The following GPC5 variants were observed in gnomAD, a reference collection of about 807,000 sequenced individuals.
GPC5 encodes the protein glypican-5.
Under a neutral mutation model 53.9 loss-of-function variants are expected in GPC5, and 47 were observed. That is an observed-to-expected ratio of 0.87 (90% CI 0.69 to 1.11). The LOEUF (loss-of-function observed/expected upper bound fraction) is 1.11, where lower values mean the gene tolerates loss of function less well. Ranked by LOEUF, GPC5 falls within the 50% of genes most tolerant of loss-of-function variation. The pLI is 0.00. For missense variants in GPC5, 748 were observed against 713.1 expected (o/e 1.05, Z -0.56); for synonymous variants, 286 against 263.3 (o/e 1.09, Z -0.84).
At chr13:91,562,188 T>TAAAAAAAAAAAAAAAAAAAAAAA (rs10603242) in intron 2 of GPC5, among the ~76,000 whole-genome samples, 1 of 45,058 alleles carries the variant, frequency 2.2e-5, no homozygotes, top group African/African-American at 8.5e-5. Flanking sequence ...GGAGCAACAG[T>TAAAAAAAAAAAAAAAAAAAAAAA]AAAAAAAAAA....
At chr13:91,569,840 A>G (rs1223278942) in intron 2 of GPC5, among the ~76,000 whole-genome samples, 1 of 152,184 alleles carries the variant, frequency 6.6e-6, no homozygotes, top group Non-Finnish European at 1.5e-5. Flanking sequence ...TCTATAAGGA[A>G]TGGGTCCTCA....
At chr13:92,345,579 C>T (rs1318826137) in intron 7 of GPC5, among the ~76,000 whole-genome samples, 1 of 152,146 alleles carries the variant, frequency 6.6e-6, no homozygotes, top group Non-Finnish European at 1.5e-5. Context: ...TCTTGAGACA[C>T]CCACGTCATT....
At chr13:92,854,457 A>T (rs1292496811) in intron 7 of GPC5, among the ~76,000 whole-genome samples, 3 of 151,406 alleles carry the variant, frequency 2.0e-5, no homozygotes. Flanking sequence ...TTAAGAAGTT[A>T]GAAACAACTA....
rs1224910024 is a variant in GPC5 at position 92,757,432 on chromosome 13, G to A, written c.1562-108850G>A. On this transcript the variant is annotated intron_variant, in intron 7 of 7. Transcript: ENST00000377067. Reference sequence around the variant, plus strand: ...GGACATAGGCATGGGCAAGGACTTCGTGTCTAAAACACCAAAAGCAATGGC... The same window carrying A: ...GGACATAGGCATGGGCAAGGACTTCATGTCTAAAACACCAAAAGCAATGGC... Among the ~76,000 whole-genome samples, 33 of 152,168 alleles carry A rather than the reference G, an allele frequency of 2.2e-4. 1 individual carries two copies. Among genetic ancestry groups the A allele is most frequent in the Admixed American group, 9.8e-4 (15 of 15,274 alleles).
chr13:91,843,717 T>C (rs2138876686), intron 5 of GPC5, among the ~76,000 whole-genome samples: 1 of 152,204 alleles, frequency 6.6e-6, no homozygotes, highest in African/African-American at 2.4e-5. Context: ...CCCAGCAGAT[T>C]GGAGGAAGGG....
At chr13:91,708,598 A>G (rs1188730944) in intron 3 of GPC5, among the ~76,000 whole-genome samples, 2 of 152,152 alleles carry the variant, frequency 1.3e-5, no homozygotes, top group African/African-American at 4.8e-5. Context: ...GTAAAATTAG[A>G]TAATGTTGAT....
intron 7 of GPC5, among the ~76,000 whole-genome samples, chr13:92,266,257 T>A (rs2042801890): frequency 6.6e-6 from 1 of 152,208 alleles, no homozygotes; most frequent in African/African-American, 2.4e-5. Flanking sequence ...TGAGTGTGAT[T>A]ATCTTCCAGT....
chr13:91,689,212 T>TC (rs2035695759), intron 2 of GPC5, among the ~76,000 whole-genome samples: 1 of 121,516 alleles, frequency 8.2e-6, no homozygotes, highest in Non-Finnish European at 1.7e-5. Flanking sequence ...TATATATATA[T>TC]ATATATATAT....
chr13:92,624,189 C>A (rs548871181), intron 7 of GPC5, among the ~76,000 whole-genome samples: 16 of 152,006 alleles, frequency 1.1e-4, no homozygotes, highest in Middle Eastern at 3.4e-3. Context: ...CCTGCCTTGG[C>A]CCCCCTAGTA....
chr13:92,568,635 A>G (rs947598433), intron 7 of GPC5, among the ~76,000 whole-genome samples: 1 of 152,188 alleles, frequency 6.6e-6, no homozygotes, highest in Non-Finnish European at 1.5e-5. Context: ...ACTAATGATA[A>G]CATGCATTTG....
intron 7 of GPC5, among the ~76,000 whole-genome samples, chr13:92,148,667 T>C (rs1298570035): frequency 6.6e-6 from 1 of 152,066 alleles, no homozygotes; most frequent in East Asian, 1.9e-4. Context: ...GGTTGCAGGA[T>C]TGGAATGGCT....
At chr13:91,961,765 G>C (rs1442947535) in intron 6 of GPC5, among the ~76,000 whole-genome samples, 1 of 151,982 alleles carries the variant, frequency 6.6e-6, no homozygotes, top group Non-Finnish European at 1.5e-5. Flanking sequence ...GCGTAATACT[G>C]AGCCAAATAA....
chr13:92,234,441 G>T (rs1449150311), intron 7 of GPC5, among the ~76,000 whole-genome samples: 1 of 152,102 alleles, frequency 6.6e-6, no homozygotes, highest in Non-Finnish European at 1.5e-5. Context: ...GTGTCTTTTG[G>T]TAATTTTTAC....
At chr13:91,550,365 T>C (rs1260766064) in intron 2 of GPC5, among the ~76,000 whole-genome samples, 1 of 152,146 alleles carries the variant, frequency 6.6e-6, no homozygotes, top group East Asian at 1.9e-4. Context: ...GTACTTTGGG[T>C]AATTATGATG....
At chr13:92,291,761 G>A (rs943247638) in intron 7 of GPC5, among the ~76,000 whole-genome samples, 2 of 152,140 alleles carry the variant, frequency 1.3e-5, no homozygotes, top group Non-Finnish European at 2.9e-5. Flanking sequence ...TCACCCTGAA[G>A]GTCTGTAGCT....
chr13:91,570,676 G>C (rs1430921180), intron 2 of GPC5, among the ~76,000 whole-genome samples: 1 of 152,118 alleles, frequency 6.6e-6, no homozygotes, highest in East Asian at 1.9e-4. Flanking sequence ...TTGAATCTCA[G>C]AATCCAAGTG....
intron 7 of GPC5, among the ~76,000 whole-genome samples, chr13:92,343,323 G>A (rs1370596728): frequency 6.6e-6 from 1 of 152,178 alleles, no homozygotes; most frequent in East Asian, 1.9e-4. Context: ...GGAAGAGCAA[G>A]TGAGATTCAA....
chr13:92,165,568 A>G (rs2042021280), intron 7 of GPC5, among the ~76,000 whole-genome samples: 1 of 152,164 alleles, frequency 6.6e-6, no homozygotes, highest in East Asian at 1.9e-4. Context: ...AAATGATCAG[A>G]TCTCCTGAGA....
intron 2 of GPC5, among the ~76,000 whole-genome samples, chr13:91,541,135 G>A (rs1398621050): frequency 6.6e-6 from 1 of 152,026 alleles, no homozygotes; most frequent in African/African-American, 2.4e-5. Flanking sequence ...ACATTCTAAT[G>A]CTCATTCACA....
Sources: allele counts gnomAD v4.1 joint callset (sites outside exome capture counted in the v4.1 genomes callset), GRCh38; gene constraint gnomAD v4.1.1; transcripts MANE v1.5; gene names NCBI Gene and HGNC (gene_info 2026-07-23, HGNC 2026-07-21).